The following SEMA6D variants were observed in gnomAD, a reference collection of about 807,000 sequenced individuals.
SEMA6D encodes semaphorin-6D.
A neutral mutation model predicts 106.6 loss-of-function variants in SEMA6D; 35 were observed. The observed-to-expected ratio is 0.33, with a 90% CI of 0.25 to 0.44. The LOEUF is 0.44. Ranked by LOEUF, SEMA6D falls within the 20% of genes least tolerant of loss-of-function variation. SEMA6D has a pLI of 1.00. For synonymous variants in SEMA6D, 499 were observed against 487.7 expected (o/e 1.02, Z -0.31); for missense variants, 1,185 against 1,345.9 (o/e 0.88, Z 1.87).
intron 1 of SEMA6D, among the ~76,000 whole-genome samples, chr15:47,323,814 A>G (rs2037020222): frequency 6.6e-6 from 1 of 152,192 alleles, no homozygotes; most frequent in East Asian, 1.9e-4. Context: ...AATGAAAATA[A>G]TTAACCTGTT....
chr15:47,285,551 C>T (rs750074528), intron 1 of SEMA6D, among the ~76,000 whole-genome samples: 1 of 151,902 alleles, frequency 6.6e-6, no homozygotes, highest in South Asian at 2.1e-4. Flanking sequence ...GTGCAGATCT[C>T]CTGAAACCCC....
At chr15:47,402,474 A>G (rs1344199913) in intron 1 of SEMA6D, among the ~76,000 whole-genome samples, 1 of 152,182 alleles carries the variant, frequency 6.6e-6, no homozygotes, top group Non-Finnish European at 1.5e-5. Flanking sequence ...TAACCACAAC[A>G]GTGATTTATG....
chr15:47,595,973 G>T (rs1354771390), intron 3 of SEMA6D, among the ~76,000 whole-genome samples: 3 of 152,022 alleles, frequency 2.0e-5, no homozygotes, highest in East Asian at 1.9e-4. Flanking sequence ...AGAAATAAAA[G>T]GCATCTAAGT....
chr15:47,502,248 C>T (rs1482895473), intron 3 of SEMA6D, among the ~76,000 whole-genome samples: 2 of 152,170 alleles, frequency 1.3e-5, no homozygotes, highest in East Asian at 1.9e-4. Context: ...TAGATCGTCG[C>T]ACTGCATGGT....
At chr15:47,369,015 A>G (rs1289269296) in intron 1 of SEMA6D, among the ~76,000 whole-genome samples, 1 of 152,252 alleles carries the variant, frequency 6.6e-6, no homozygotes. Context: ...GGCCAGTGTC[A>G]TAATGTGGAG....
At chr15:47,445,759 TG>T in intron 2 of SEMA6D, among the ~76,000 whole-genome samples, 1 of 133,920 alleles carries the variant, frequency 7.5e-6, no homozygotes, top group Non-Finnish European at 1.6e-5. Flanking sequence ...TTAAAAAACA[TG>T]GTATTTTAGA....
chr15:47,360,423 C>G (rs1030566659), intron 1 of SEMA6D, among the ~76,000 whole-genome samples: 1 of 152,180 alleles, frequency 6.6e-6, no homozygotes, highest in Non-Finnish European at 1.5e-5. Flanking sequence ...TAAATTAATA[C>G]AAGGTAGGTA....
chr15:47,560,007 C>T (rs2046030607), intron 3 of SEMA6D, among the ~76,000 whole-genome samples: 1 of 152,062 alleles, frequency 6.6e-6, no homozygotes, highest in African/African-American at 2.4e-5. Flanking sequence ...TGAGTAGGAA[C>T]ATCAGCAGCT....
intron 1 of SEMA6D, among the ~76,000 whole-genome samples, chr15:47,724,929 AAGATGATTTGCCTCAAATT>A (rs2079643786): frequency 6.6e-6 from 1 of 152,220 alleles, no homozygotes. Context: ...TGCAAGGAGT[AAGATGATTTGCCTCAAATT>A]ACCCAGCACC....
At chr15:47,480,828 T>G (rs891310777) in intron 3 of SEMA6D, among the ~76,000 whole-genome samples, 6 of 152,202 alleles carry the variant, frequency 3.9e-5, no homozygotes, top group Non-Finnish European at 8.8e-5. Context: ...ACATAGTTCC[T>G]CCAACCCTGT....
At chr15:47,297,775 A>C (rs1348168277) in intron 1 of SEMA6D, among the ~76,000 whole-genome samples, 2 of 152,166 alleles carry the variant, frequency 1.3e-5, no homozygotes, top group Non-Finnish European at 2.9e-5. Flanking sequence ...CCTTTGTGTG[A>C]TCAAGGGAGC....
chr15:47,711,170 C>A (rs1404281803), intron 4 of SEMA6D, among the ~76,000 whole-genome samples: 1 of 151,382 alleles, frequency 6.6e-6, no homozygotes, highest in East Asian at 1.9e-4. Context: ...ATTAGCCGGG[C>A]GTAGTGGCGG....
chr15:47,657,180 A>G (rs2077813950), intron 4 of SEMA6D, among the ~76,000 whole-genome samples: 2 of 152,244 alleles, frequency 1.3e-5, no homozygotes, highest in Admixed American at 1.3e-4. Context: ...GCTAACATTT[A>G]TAGAAAAAAG....
intron 3 of SEMA6D, among the ~76,000 whole-genome samples, chr15:47,522,607 T>C (rs1035036649): frequency 4.6e-5 from 7 of 152,194 alleles, no homozygotes; most frequent in Non-Finnish European, 1.0e-4. Context: ...AGGGGGTCTT[T>C]AGAAGGCATG....
intron 1 of SEMA6D, among the ~76,000 whole-genome samples, chr15:47,379,494 A>G (rs1242577966): frequency 6.6e-6 from 1 of 152,192 alleles, no homozygotes; most frequent in African/African-American, 2.4e-5. Flanking sequence ...AGAAAAGCAT[A>G]TAATACTTGG....
At chr15:47,622,261 A>G (rs1596468155) in intron 4 of SEMA6D, among the ~76,000 whole-genome samples, 2 of 152,016 alleles carry the variant, frequency 1.3e-5, no homozygotes, top group Admixed American at 1.3e-4. Flanking sequence ...AGCTACCTTC[A>G]TTCACAGAGA....
intron 2 of SEMA6D, among the ~76,000 whole-genome samples, chr15:47,467,983 G>T (rs540528956): frequency 1.3e-5 from 2 of 151,874 alleles, no homozygotes; most frequent in Non-Finnish European, 2.9e-5. Flanking sequence ...GGATTGTTTT[G>T]AGACAGTTAA....
At chr15:47,277,811 G>T in intron 1 of SEMA6D, among the ~76,000 whole-genome samples, 1 of 149,112 alleles carries the variant, frequency 6.7e-6, no homozygotes, top group African/African-American at 2.5e-5. Flanking sequence ...CCCTTCCTGT[G>T]TCCATGTGTT....
At chr15:47,740,275 C>T (rs2080726341) in intron 1 of SEMA6D, among the ~76,000 whole-genome samples, 1 of 152,106 alleles carries the variant, frequency 6.6e-6, no homozygotes, top group African/African-American at 2.4e-5. Flanking sequence ...AATCCCAGCA[C>T]TTTGGGAGGC....
Sources: allele counts gnomAD v4.1 joint callset (sites outside exome capture counted in the v4.1 genomes callset), GRCh38; gene constraint gnomAD v4.1.1; transcripts MANE v1.5; gene names NCBI Gene and HGNC (gene_info 2026-07-23, HGNC 2026-07-21).